Variants in CACNA2D3 observed in about 807,000 individuals in gnomAD.
The protein encoded by CACNA2D3 is voltage-dependent calcium channel subunit alpha-2/delta-3.
A neutral mutation model predicts 160.6 loss-of-function variants in CACNA2D3; 60 were observed. The ratio of observed to expected loss-of-function variants is 0.37; its 90% CI spans 0.30 to 0.46. The LOEUF is 0.46. CACNA2D3 is among the 20% of genes least tolerant of loss of function. CACNA2D3 has a pLI of 1.00. For missense variants in CACNA2D3, 1,205 were observed against 1,365.0 expected (o/e 0.88, Z 1.85); for synonymous variants, 558 against 492.9 (o/e 1.13, Z -1.75).
chr3:54,618,176 T>G (rs1439914110), intron 9 of CACNA2D3, among the ~76,000 whole-genome samples: 1 of 151,646 alleles, frequency 6.6e-6, no homozygotes, highest in Non-Finnish European at 1.5e-5. Flanking sequence ...AATGAAGAAA[T>G]TATTGACTCA....
At chr3:54,309,416 T>G (rs1023169050) in intron 2 of CACNA2D3, among the ~76,000 whole-genome samples, 1 of 152,214 alleles carries the variant, frequency 6.6e-6, no homozygotes, top group Non-Finnish European at 1.5e-5. Flanking sequence ...CAGGAAAAGC[T>G]TATGCAATCT....
In CACNA2D3 at chr3:54,779,900, G is replaced by A. The variant is rs115795271; in HGVS notation, c.1380+15549G>A. 8.3e-3 allele frequency among the ~76,000 whole-genome samples: 1,266 copies of A among 152,220 alleles called. 8 individuals are homozygous for A. Among genetic ancestry groups the A allele is most frequent in the Non-Finnish European group, 0.012 (824 of 68,018 alleles). Reference sequence around the variant, plus strand: ...TTTTGTCTATCTCTTGAACAGTAGCGTAAGGACTGGGGCAGTCTGTGATGT... The same window carrying A: ...TTTTGTCTATCTCTTGAACAGTAGCATAAGGACTGGGGCAGTCTGTGATGT... On this transcript the variant is annotated intron_variant, in intron 13 of 37. Coordinates refer to ENST00000474759, the MANE Select transcript of CACNA2D3 (RefSeq NM_018398.3).
At chr3:54,365,626 G>A (rs1309554777) in intron 3 of CACNA2D3, among the ~76,000 whole-genome samples, 1 of 152,184 alleles carries the variant, frequency 6.6e-6, no homozygotes, top group Non-Finnish European at 1.5e-5. Context: ...CACTTTGGGA[G>A]GCCAAGGTGG....
At chr3:54,543,193 C>T (rs981090554) in intron 5 of CACNA2D3, among the ~76,000 whole-genome samples, 1 of 152,190 alleles carries the variant, frequency 6.6e-6, no homozygotes, top group Non-Finnish European at 1.5e-5. Flanking sequence ...ACTGCTGTTA[C>T]AGATCAGAGC....
chr3:54,201,692 A>C (rs1234053806), intron 2 of CACNA2D3, among the ~76,000 whole-genome samples: 1 of 152,254 alleles, frequency 6.6e-6, no homozygotes, highest in Non-Finnish European at 1.5e-5. Context: ...CTGTATCATC[A>C]TCTAGCCAAA....
At chr3:54,666,811 C>T (rs533739057) in intron 11 of CACNA2D3, among the ~76,000 whole-genome samples, 10 of 152,146 alleles carry the variant, frequency 6.6e-5, no homozygotes, top group African/African-American at 1.9e-4. Flanking sequence ...CCTGGTAGTA[C>T]GAGGGGAACT....
intron 2 of CACNA2D3, among the ~76,000 whole-genome samples, chr3:54,295,258 CAGGT>C (rs1173465490): frequency 6.6e-6 from 1 of 152,054 alleles, no homozygotes; most frequent in African/African-American, 2.4e-5. Context: ...TTGTAGGAGA[CAGGT>C]AGGAGATGAG....
In CACNA2D3 at chr3:54,297,089, A is replaced by C. The variant is rs566406105; in HGVS notation, c.205-23353A>C. Among the ~76,000 whole-genome samples the C allele has an allele frequency of 7.9e-5, 12 of 152,280 alleles. No homozygotes were observed. In the South Asian group the frequency reaches 2.5e-3, roughly 32 times the overall value. On this transcript the variant is annotated intron_variant, in intron 2 of 37. Coordinates refer to ENST00000474759, the MANE Select transcript of CACNA2D3 (RefSeq NM_018398.3). Reference sequence around the variant, plus strand: ...AATGACCTTGGCAGTGTATCTTTTAAACATGCACTGTTAGGAGTCAGACAG... The same window carrying C: ...AATGACCTTGGCAGTGTATCTTTTACACATGCACTGTTAGGAGTCAGACAG...
intron 2 of CACNA2D3, among the ~76,000 whole-genome samples, chr3:54,191,415 TCATCA>T (rs1700981322): frequency 6.6e-6 from 1 of 152,006 alleles, no homozygotes; most frequent in African/African-American, 2.4e-5. Flanking sequence ...ATCATCATCA[TCATCA>T]TCATCATCAT....
At chr3:54,374,201 G>T (rs1698970198) in intron 3 of CACNA2D3, among the ~76,000 whole-genome samples, 1 of 152,210 alleles carries the variant, frequency 6.6e-6, no homozygotes, top group African/African-American at 2.4e-5. Context: ...TGCTGCGGTT[G>T]CAGGAAGCCA....
chr3:54,878,461 C>A (rs1226218478), intron 18 of CACNA2D3, among the ~76,000 whole-genome samples: 1 of 152,078 alleles, frequency 6.6e-6, no homozygotes, highest in African/African-American at 2.4e-5. Flanking sequence ...CAGGGTCGCT[C>A]CTGTTCACTG....
chr3:54,129,807 C>T lies in CACNA2D3; in HGVS notation c.204+6213C>T, dbSNP rs117578556. Among the ~76,000 whole-genome samples, 25 of 152,262 alleles carry T rather than the reference C, an allele frequency of 1.6e-4. 1 individual carries two copies. The East Asian group carries it at 4.1e-3, about 25-fold the overall frequency. On this transcript the variant is annotated intron_variant, in intron 2 of 37. Transcript: ENST00000474759. Reference sequence around the variant, plus strand: ...ATTTGGGGCCTGCACATGCCATTACCGTAATACTTATTAAGTGTGTGTATG... The same window carrying T: ...ATTTGGGGCCTGCACATGCCATTACTGTAATACTTATTAAGTGTGTGTATG...
intron 4 of CACNA2D3, among the ~76,000 whole-genome samples, chr3:54,440,983 G>A (rs57827920): frequency 0.4 from 61,418 of 151,742 alleles, 13,240 homozygotes; most frequent in African/African-American, 0.56. Flanking sequence ...ATGATTTATA[G>A]TCCTTTGGGT....
At chr3:54,986,049 C>T (rs768148142) in intron 30 of CACNA2D3, among the ~76,000 whole-genome samples, 12 of 152,144 alleles carry the variant, frequency 7.9e-5, no homozygotes, top group Non-Finnish European at 1.8e-4. Context: ...GGAGGAGGAA[C>T]ATAGGCATTC....
chr3:55,065,444 A>C (rs543483108), intron 35 of CACNA2D3, among the ~76,000 whole-genome samples: 14 of 152,268 alleles, frequency 9.2e-5, no homozygotes, highest in African/African-American at 3.4e-4. Context: ...CTGCCATGTG[A>C]ACACTGGTCA....
At chr3:54,885,378 T>C (rs1316540290) in intron 22 of CACNA2D3, 52 bp downstream of exon 22, 11 of 1,608,148 alleles carry the variant, frequency 6.8e-6, no homozygotes, top group Admixed American at 3.3e-5. Context: ...TTGCCCTCTT[T>C]GATTCCACAT....
chr3:55,037,530 C>T lies in CACNA2D3; in HGVS notation c.2987+19213C>T, dbSNP rs114371483. ...CAGATAATACCTCCCTGCAAGAGGG[C>T]GGGCCGAAGATAAACCAAAGCCAGG... On this transcript the variant is annotated intron_variant, in intron 35 of 37. Coordinates refer to ENST00000474759, the MANE Select transcript of CACNA2D3 (RefSeq NM_018398.3). Among the ~76,000 whole-genome samples, 456 of 152,230 alleles carry T rather than the reference C, an allele frequency of 3.0e-3. 2 individuals carry two copies. The highest frequency in any genetic ancestry group is 0.01 in the African/African-American group (424 of 41,530).
At chr3:55,035,548 G>A (rs1703797667) in intron 35 of CACNA2D3, among the ~76,000 whole-genome samples, 1 of 152,152 alleles carries the variant, frequency 6.6e-6, no homozygotes, top group East Asian at 1.9e-4. Flanking sequence ...TCCAGAATGC[G>A]TATTTCAGTT....
At chr3:55,018,658 C>CTG (rs911436246) in intron 35 of CACNA2D3, among the ~76,000 whole-genome samples, 2 of 151,706 alleles carry the variant, frequency 1.3e-5, no homozygotes, top group African/African-American at 4.8e-5. Context: ...CGTATCTTTA[C>CTG]TGAAGGCACA....
Sources: allele counts gnomAD v4.1 joint callset (sites outside exome capture counted in the v4.1 genomes callset), GRCh38; gene constraint gnomAD v4.1.1; transcripts MANE v1.5; gene names NCBI Gene and HGNC (gene_info 2026-07-23, HGNC 2026-07-21).